Variants in LAMB3 observed in about 807,000 individuals in gnomAD.
LAMB3 encodes laminin subunit beta 3.
Under a neutral mutation model 140.3 loss-of-function variants are expected in LAMB3, and 104 were observed. That is an observed-to-expected ratio of 0.74 (90% CI 0.63 to 0.87). The LOEUF is 0.87. Ranked by LOEUF, LAMB3 falls within the 40% of genes least tolerant of loss-of-function variation. The pLI is 0.00. For missense variants in LAMB3, 1,531 were observed against 1,575.2 expected (o/e 0.97, Z 0.47); for synonymous variants, 592 against 602.9 (o/e 0.98, Z 0.26).
At chr1:209,646,376 G>T (rs927428742) in intron 3 of LAMB3, among the ~76,000 whole-genome samples, 9 of 152,194 alleles carry the variant, frequency 5.9e-5, no homozygotes, top group African/African-American at 2.2e-4. Flanking sequence ...AAACGGCAAA[G>T]GTTGACTAAC....
chr1:209,619,087 T>C (rs1231219056), intron 18 of LAMB3, among the ~76,000 whole-genome samples: 1 of 152,178 alleles, frequency 6.6e-6, no homozygotes, highest in Non-Finnish European at 1.5e-5. Context: ...GCATTCCCCC[T>C]CAGGCAAGAT....
rs202113091 is a variant in LAMB3 at position 209,628,087 on chromosome 1, T to C, written c.1236A>G (p.Leu412=). ...TGAGTCCAGTGAAGCCCGGCTTGCA[T>C]AGGTCACAGCGCTCTCCCTGCACAT... is the stretch of plus-strand genomic sequence containing the variant. ...KEHVQGERCD[L]CKPGFTGLTY... Residue 412 remains leucine, a synonymous_variant, in exon 11 of 23, where the codon CTA becomes CTG. Coordinates refer to ENST00000356082, the MANE Select transcript of LAMB3 (RefSeq NM_000228.3). 6.0e-5 allele frequency: 97 copies of C among 1,605,720 alleles called. No individual in the cohort carries two copies. In the Admixed American group the frequency reaches 1.6e-3, roughly 26 times the overall value.
At chr1:209,634,416 A>G in intron 6 of LAMB3, 31 bp downstream of exon 6, 1 of 1,605,016 alleles carries the variant, frequency 6.2e-7, no homozygotes, top group Non-Finnish European at 8.5e-7. Flanking sequence ...ATTTCTCCCC[A>G]GGCCTACTTT....
Position 209,632,711 on chromosome 1 carries a change from A to G in LAMB3, c.694T>C (p.Tyr232His). ...GCATAGTAGGCGCTGGGAGGGTGGT[A>G]GCCCCTTTGGGGCACAGGGGCCAGC... ...TRLAPVPQRG[Y>H]HPPSAYYAVS... Residue 232 changes from tyrosine (Y) to histidine (H), a missense_variant, in exon 8 of 23, where the codon TAC becomes CAC. By Grantham distance (83) the Tyr-to-His change is moderately conservative. Coordinates refer to ENST00000356082, the MANE Select transcript of LAMB3 (RefSeq NM_000228.3). 1 of 1,614,156 alleles carries G rather than the reference A, an allele frequency of 6.2e-7. No homozygotes were observed. The highest frequency in any genetic ancestry group is 1.1e-5 in the South Asian group (1 of 91,074).
At chr1:209,636,463 C>A (rs1571826860) in intron 5 of LAMB3, among the ~76,000 whole-genome samples, 2 of 152,126 alleles carry the variant, frequency 1.3e-5, no homozygotes, top group African/African-American at 4.8e-5. Context: ...CACAGGTGGA[C>A]CCCCAACACC....
rs1420480218 is a variant in LAMB3 at position 209,617,399 on chromosome 1, C to T, written c.3228+11G>A. 3 of 1,612,216 alleles carry T rather than the reference C, an allele frequency of 1.9e-6. No individual in the cohort carries two copies. The highest frequency in any genetic ancestry group is 2.5e-6 in the Non-Finnish European group (3 of 1,179,986). ...CCGTACATCATTGAGCTAACTCCGC[C>T]TTCTCTGTACCTCTTGGGCACTCAA... On this transcript the variant is annotated intron_variant, in intron 21 of 22. Transcript: ENST00000356082.
intron 9 of LAMB3, 140 bp from the exon 10 acceptor site, chr1:209,630,065 G>T: frequency 1.3e-6 from 1 of 797,064 alleles, no homozygotes. Flanking sequence ...GAGGGCAAGG[G>T]AGGTTTGTAT....
chr1:209,619,319 C>CTA (rs1232833401), intron 18 of LAMB3, among the ~76,000 whole-genome samples: 12 of 152,290 alleles, frequency 7.9e-5, no homozygotes, highest in Admixed American at 5.9e-4. Flanking sequence ...CTCTTTTCCT[C>CTA]TAGAATGTAA....
intron 7 of LAMB3, 63 bp from the exon 8 acceptor site, chr1:209,632,839 G>C: frequency 6.7e-7 from 1 of 1,489,836 alleles, no homozygotes; most frequent in East Asian, 2.3e-5. Context: ...AAGGAAGTTA[G>C]AGGCACATAG....
intron 8 of LAMB3, among the ~76,000 whole-genome samples, chr1:209,632,319 C>T (rs1415183380): frequency 6.6e-6 from 1 of 152,216 alleles, no homozygotes; most frequent in Non-Finnish European, 1.5e-5. Flanking sequence ...GGTTGAGAAT[C>T]ATTGGCTTAA....
chr1:209,623,699 A>G lies in LAMB3; in HGVS notation c.2164T>C (p.Tyr722His). The G allele has an allele frequency of 6.2e-7, 1 of 1,614,118 alleles. No individual in the cohort carries two copies. Among genetic ancestry groups the G allele is most frequent in the Non-Finnish European group, 8.5e-7 (1 of 1,180,022 alleles). ...TGAGCAGCCTGGGCTGACTGCTCGT[A>G]GGCTGTGCTCAGCATCCGGAAGGCT... Reference protein sequence around the residue: ...SGAFRMLSTAYEQSAQAAQQV... With the variant: ...SGAFRMLSTAHEQSAQAAQQV... Residue 722 changes from tyrosine (Y) to histidine (H), a missense_variant, in exon 16 of 23, where the codon TAC (tyrosine) becomes CAC (histidine). Tyr to His is a moderately conservative substitution (Grantham distance 83, BLOSUM62 2). Coordinates refer to ENST00000356082, the MANE Select transcript of LAMB3 (RefSeq NM_000228.3). This position sits in a 1 kb window ranked among gnomAD's most constrained non-coding sequence, Gnocchi z 4.2.
intron 18 of LAMB3, among the ~76,000 whole-genome samples, chr1:209,621,914 C>T (rs1399820450): frequency 1.3e-5 from 2 of 152,180 alleles, no homozygotes; most frequent in East Asian, 1.9e-4. Context: ...CCTGGAGTCC[C>T]CATTCTAGTG....
intron 14 of LAMB3, among the ~76,000 whole-genome samples, chr1:209,624,945 G>A (rs1362645678): frequency 3.5e-5 from 5 of 141,290 alleles, no homozygotes; most frequent in African/African-American, 1.3e-4. Context: ...GAAAAAAAGG[G>A]AAGGAAGGAA....
chr1:209,634,323 A>C, intron 6 of LAMB3, 124 bp downstream of exon 6: 1 of 976,412 alleles, frequency 1.0e-6, no homozygotes, highest in Non-Finnish European at 1.6e-6. Flanking sequence ...GGAATTCAGG[A>C]AAGTCAGCAA....
At chr1:209,637,811 A>G in intron 5 of LAMB3, 97 bp downstream of exon 5, 3 of 999,238 alleles carry the variant, frequency 3.0e-6, no homozygotes, top group Admixed American at 3.9e-5. Flanking sequence ...GTGTTGCCCC[A>G]ACCCAGAGAG....
In LAMB3 at chr1:209,634,413, C is replaced by T. The variant is rs770216334; in HGVS notation, c.564+34G>A. The T allele has an allele frequency of 3.7e-6, 6 of 1,603,650 alleles. No homozygotes were observed. In the African/African-American group the frequency reaches 8.0e-5, roughly 21 times the overall value. ...AACAGTGGGACATCAGGGATTTCTC[C>T]CCAGGCCTACTTTTCAGGATTCCCT... is the stretch of plus-strand genomic sequence containing the variant. On this transcript the variant is annotated intron_variant, in intron 6 of 22. Transcript: ENST00000356082.
Position 209,625,855 on chromosome 1 carries a change from G to A in LAMB3, c.1769C>T (p.Ala590Val), listed in dbSNP as rs143370006. 3.3e-4 allele frequency: 527 copies of A among 1,614,042 alleles called. 2 individuals carry two copies. Among genetic ancestry groups the A allele is most frequent in the Non-Finnish European group, 4.1e-4 (480 of 1,179,968 alleles). The change falls in exon 14 of 23, where the codon GCG becomes GTG. Residue 590 changes from alanine (A) to valine (V), a missense_variant. By Grantham distance (64) the Ala-to-Val change is moderately conservative (BLOSUM62 0). Transcript: ENST00000356082. ...ACHPCFQTYD[A>V]DLREQALRFG... ...GCGCAGGGCCTGCTCCCGGAGGTCC[G>A]CATCATAGGTCTGGAAGCAAGGGTG...
At chr1:209,646,662 G>T (rs2076521381) in intron 3 of LAMB3, among the ~76,000 whole-genome samples, 1 of 152,208 alleles carries the variant, frequency 6.6e-6, no homozygotes, top group African/African-American at 2.4e-5. Flanking sequence ...TCCTGATCAG[G>T]GAAGAAATGC....
Position 209,618,671 on chromosome 1 carries a change from C to CG in LAMB3, c.2702-13_2702-12insC, listed in dbSNP as rs1553275626. 6.8e-7 allele frequency: 1 copy of CG among 1,461,700 alleles called. No homozygotes were observed. The highest frequency in any genetic ancestry group is 2.5e-5 in the East Asian group (1 of 39,688). The allele number at this position is 1,461,700 out of a possible 1,614,324, so 90.5% of individuals were successfully genotyped here. On this transcript the variant is annotated splice_polypyrimidine_tract_variant and intron_variant, in intron 18 of 22. Coordinates refer to ENST00000356082, the MANE Select transcript of LAMB3 (RefSeq NM_000228.3). ...ATCAGTGTCGGGGTCTGGAAGACAA[C>CG]ACGCATTTGACTGTAGGAGCCCACT...
Sources: allele counts gnomAD v4.1 joint callset (sites outside exome capture counted in the v4.1 genomes callset), GRCh38; gene constraint gnomAD v4.1.1; non-coding constraint Gnocchi (gnomAD v3.1); transcripts MANE v1.5; gene names NCBI Gene and HGNC (gene_info 2026-07-23, HGNC 2026-07-21).